Variants in SYNE1 observed in about 807,000 individuals in gnomAD.
SYNE1 encodes the protein nesprin-1.
Under a neutral mutation model 1,111.0 loss-of-function variants are expected in SYNE1, and 616 were observed. The observed-to-expected ratio is 0.55, with a 90% CI of 0.52 to 0.59. The LOEUF is 0.59. SYNE1 is among the 20% of genes least tolerant of loss of function. The pLI is 0.00. For synonymous variants in SYNE1, 3,855 were observed against 3,825.8 expected, an observed-to-expected ratio of 1.01 and a Z score of -0.28; for missense variants, 10,006 against 10,417.0, an observed-to-expected ratio of 0.96 and a Z score of 1.72.
intron 95 of SYNE1, among the ~76,000 whole-genome samples, chr6:152,288,387 C>A (rs1210773345): frequency 2.0e-5 from 3 of 152,220 alleles, no homozygotes; most frequent in Non-Finnish European, 4.4e-5. Context: ...TGGTAACTCT[C>A]ACCAGCACTA....
At chr6:152,520,306 C>G (rs917626846) in intron 6 of SYNE1, among the ~76,000 whole-genome samples, 153 bp downstream of exon 6, 2 of 152,096 alleles carry the variant, frequency 1.3e-5, no homozygotes, top group Non-Finnish European at 1.5e-5. Flanking sequence ...CTCCATAAAT[C>G]TAAGAGTATT....
intron 25 of SYNE1, chr6:152,453,330 T>A (rs1046355626): frequency 3.3e-6 from 2 of 598,538 alleles, no homozygotes; most frequent in African/African-American, 3.8e-5. Flanking sequence ...CACCCTGGAT[T>A]AAAAAAAAAT....
chr6:152,564,692 T>C (rs901837113), intron 3 of SYNE1, among the ~76,000 whole-genome samples: 1 of 151,522 alleles, frequency 6.6e-6, no homozygotes, highest in Non-Finnish European at 1.5e-5. Context: ...ATTCTCATGA[T>C]TTCTAGGGAA....
chr6:152,321,752 ATTGTTG>A lies in SYNE1; in HGVS notation c.16046_16051del (p.Pro5349_Ile5351delinsLeu). On this transcript the variant is annotated inframe_deletion, in exon 83 of 146. Transcript: ENST00000367255. ...TTCTTCAAGTTGAGCATCTATTTCTATTGTTGGATTCCCTAAATATTCTTTCGTTTC... is the reference window on the plus strand; with the variant it reads ...TTCTTCAAGTTGAGCATCTATTTCTAGATTCCCTAAATATTCTTTCGTTTC... 1 of 1,614,040 alleles carries A rather than the reference ATTGTTG, an allele frequency of 6.2e-7. No homozygotes were observed. Among genetic ancestry groups the A allele is most frequent in the African/African-American group, 1.3e-5 (1 of 75,036 alleles).
intron 101 of SYNE1, among the ~76,000 whole-genome samples, chr6:152,260,703 C>T (rs1384292429): frequency 6.6e-6 from 1 of 151,716 alleles, no homozygotes; most frequent in Non-Finnish European, 1.5e-5. Context: ...GTTGGTTTCT[C>T]GGGGGTGGGA....
chr6:152,359,450 A>C lies in SYNE1; in HGVS notation c.10308T>G (p.Asn3436Lys). ...TTMLGKAKLL[N>K]EEVLSYSSLL... ...AGCTGCTGTAACTCAGCACTTCTTC[A>C]TTTAATAACTAGAGAGCATTTAAGA... is the stretch of plus-strand genomic sequence containing the variant. Residue 3436 changes from asparagine to lysine, a missense_variant, in exon 65 of 146, where the codon AAT (asparagine) becomes AAG (lysine). Physicochemically the swap from Asn to Lys is moderately conservative, Grantham distance 94. Transcript: ENST00000367255. 1 of 1,614,178 alleles carries C rather than the reference A, an allele frequency of 6.2e-7. No homozygotes were observed. The highest frequency in any genetic ancestry group is 2.2e-5 in the East Asian group (1 of 44,870).
rs1306354261 is a variant in SYNE1, at chr6:152,141,305, T to C, written c.25144A>G (p.Ser8382Gly). 2 of 1,614,200 alleles carry C rather than the reference T, an allele frequency of 1.2e-6. No individual in the cohort carries two copies. Among genetic ancestry groups the C allele is most frequent in the Admixed American group, 1.7e-5 (1 of 60,030 alleles). ...GYMKLLGECS[S>G]SIDSVKRLEH... ...AGTCTCTTCACGGAGTCTATACTGC[T>C]ACTGCATTCGCCCAGCAGTTTCATC... The change falls in exon 139 of 146, where the codon AGC becomes GGC. Residue 8382 changes from serine to glycine, a missense_variant. By Grantham distance (56) the Ser-to-Gly change is moderately conservative. Around this residue, in one of 7 missense-constraint regions of SYNE1, gnomAD observed 761 missense variants for 795.5 expected, o/e 0.96. Transcript: ENST00000367255.
intron 65 of SYNE1, 68 bp downstream of exon 65, chr6:152,359,247 T>C (rs2096890961): frequency 1.1e-5 from 18 of 1,601,240 alleles, no homozygotes; most frequent in Middle Eastern, 2.2e-4. Flanking sequence ...CATAAATGAG[T>C]CTTTAAAGGA....
chr6:152,422,640 C>G (rs935125407), intron 39 of SYNE1, among the ~76,000 whole-genome samples: 2 of 152,102 alleles, frequency 1.3e-5, no homozygotes, highest in Admixed American at 1.3e-4. Context: ...GCAGCTGAGA[C>G]TACAGGTACA....
At chr6:152,634,493 A>G (rs966425035) in intron 2 of SYNE1, among the ~76,000 whole-genome samples, 2 of 152,204 alleles carry the variant, frequency 1.3e-5, no homozygotes, top group East Asian at 3.8e-4. Flanking sequence ...CCCATTAATA[A>G]TGGTACTAAT....
chr6:152,462,618 G>A, intron 20 of SYNE1, 120 bp downstream of exon 20: 1 of 1,176,078 alleles, frequency 8.5e-7, no homozygotes, highest in Non-Finnish European at 1.3e-6. Context: ...GGGACATACA[G>A]ACATGTCAAA....
At chr6:152,407,922 C>T (rs141214348) in intron 44 of SYNE1, among the ~76,000 whole-genome samples, 72 of 151,934 alleles carry the variant, frequency 4.7e-4, no homozygotes, top group African/African-American at 1.6e-3. Context: ...CCACCACGCC[C>T]GGCTAATTTT....
intron 98 of SYNE1, 102 bp downstream of exon 98, chr6:152,277,987 T>C (rs757431314): frequency 8.1e-7 from 1 of 1,235,640 alleles, no homozygotes. Context: ...CACACACAAG[T>C]ACGCGTCACC....
intron 6 of SYNE1, among the ~76,000 whole-genome samples, chr6:152,512,891 G>A (rs2099092409): frequency 6.6e-6 from 1 of 152,080 alleles, no homozygotes; most frequent in East Asian, 1.9e-4. Context: ...CAAAGAGAAT[G>A]AAGAATTTCC....
In SYNE1 at chr6:152,369,047, T is replaced by G. The variant is rs958873300; in HGVS notation, c.9732A>C (p.Gln3244His). The stretch of plus-strand genomic sequence containing the variant: ...TGTGCCTAAAGCTCTTGCTGGCAGC[T>G]TGTCCTTCCCACAGCTGCTGAGCTT... ...KEKAQQLWEG[Q>H]AASKSFRHRV... Residue 3244 changes from glutamine to histidine, a missense_variant, in exon 61 of 146, where the codon CAA becomes CAC. By Grantham distance (24) the Gln-to-His change is conservative. Transcript: ENST00000367255. 4.3e-6 allele frequency: 7 copies of G among 1,614,122 alleles called. No homozygotes were observed. The highest frequency in any genetic ancestry group is 5.9e-6 in the Non-Finnish European group (7 of 1,180,050).
chr6:152,614,574 G>C (rs1384394023), intron 3 of SYNE1, among the ~76,000 whole-genome samples: 82 of 152,164 alleles, frequency 5.4e-4, no homozygotes, highest in Non-Finnish European at 1.6e-4. Context: ...AGACAATGTG[G>C]CGATTCCTCA....
intron 100 of SYNE1, among the ~76,000 whole-genome samples, chr6:152,264,433 C>T (rs1184706347): frequency 6.6e-6 from 1 of 151,746 alleles, no homozygotes; most frequent in Non-Finnish European, 1.5e-5. Context: ...TACCCCAAAG[C>T]CAATTATTCT....
At chr6:152,133,211 T>G in intron 143 of SYNE1, 65 bp downstream of exon 143, 5 of 1,448,122 alleles carry the variant, frequency 3.5e-6, no homozygotes, top group Non-Finnish European at 4.9e-6. Flanking sequence ...CTAAAATGCA[T>G]GAAGATGATG....
intron 3 of SYNE1, among the ~76,000 whole-genome samples, chr6:152,606,978 CTTTTTTT>C (rs71017544): frequency 8.0e-4 from 50 of 62,262 alleles, no homozygotes; most frequent in African/African-American, 1.5e-3. Context: ...CCTCGGTTCT[CTTTTTTT>C]TTTTTTTTTT....
Sources: allele counts gnomAD v4.1 joint callset (sites outside exome capture counted in the v4.1 genomes callset), GRCh38; gene constraint gnomAD v4.1.1; regional missense constraint gnomAD v4.1.1; transcripts MANE v1.5; gene names NCBI Gene and HGNC (gene_info 2026-07-23, HGNC 2026-07-21).